TMEM178B: variants seen among roughly 807,000 people sequenced by gnomAD.
The protein encoded by TMEM178B is transmembrane protein 178B.
A neutral mutation model predicts 31.0 loss-of-function variants in TMEM178B; 5 were observed. That is an observed-to-expected ratio of 0.16 (90% CI 0.08 to 0.34). TMEM178B has a LOEUF of 0.34. TMEM178B is among the 10% of genes least tolerant of loss of function. TMEM178B has a pLI of 1.00. For missense variants in TMEM178B, 275 were observed against 400.3 expected (o/e 0.69, Z 2.67); for synonymous variants, 164 against 164.0 (o/e 1.00, Z 0.00).
chr7:141,364,735 G>A lies in TMEM178B; in HGVS notation c.497-72873G>A, dbSNP rs115541114. On this transcript the variant is annotated intron_variant, in intron 2 of 3. Transcript: ENST00000565468. ...AATGACCACACTACAGGCCAGGTAGGTAACCCAAAGAATGGAGTGGGCTGG... is the reference window on the plus strand; with the variant it reads ...AATGACCACACTACAGGCCAGGTAGATAACCCAAAGAATGGAGTGGGCTGG... 1.8e-3 allele frequency among the ~76,000 whole-genome samples: 280 copies of A among 151,594 alleles called. 2 individuals carry two copies. Among genetic ancestry groups the A allele is most frequent in the African/African-American group, 6.5e-3 (270 of 41,324 alleles).
intron 2 of TMEM178B, among the ~76,000 whole-genome samples, chr7:141,277,065 A>G (rs216999): frequency 0.74 from 112,985 of 152,136 alleles, 43,592 homozygotes; most frequent in East Asian, 0.99. Context: ...GGACATTACT[A>G]TACACTGTTG....
intron 2 of TMEM178B, among the ~76,000 whole-genome samples, chr7:141,249,508 C>T (rs1037495171): frequency 3.9e-5 from 6 of 152,058 alleles, no homozygotes; most frequent in Admixed American, 1.3e-4. Flanking sequence ...AATGTGGAAG[C>T]GACATTGGAA....
chr7:141,313,974 A>G (rs1326992701), intron 2 of TMEM178B, among the ~76,000 whole-genome samples: 1 of 152,160 alleles, frequency 6.6e-6, no homozygotes, highest in Non-Finnish European at 1.5e-5. Flanking sequence ...AGCTTCCACT[A>G]AACGATTCCA....
chr7:141,270,546 A>AGTT (rs1468420691), intron 2 of TMEM178B, among the ~76,000 whole-genome samples: 2 of 152,210 alleles, frequency 1.3e-5, no homozygotes, highest in African/African-American at 4.8e-5. Context: ...GTTCACCAAG[A>AGTT]GTTGTTTCAC....
rs373415086 is a variant in TMEM178B, at chr7:141,365,522, G to T, written c.497-72086G>T. Reference sequence around the variant, plus strand: ...TCTATAAAATGGGGATTGTAGGGATGTTCTCAGGACTAGAGGAAATGTATG... The same window carrying T: ...TCTATAAAATGGGGATTGTAGGGATTTTCTCAGGACTAGAGGAAATGTATG... On this transcript the variant is annotated intron_variant, in intron 2 of 3. Transcript: ENST00000565468. 1.7e-4 allele frequency among the ~76,000 whole-genome samples: 26 copies of T among 152,336 alleles called. 1 individual carries two copies. The South Asian group carries it at 2.5e-3, about 15-fold the overall frequency.
intron 1 of TMEM178B, among the ~76,000 whole-genome samples, chr7:141,157,090 C>T (rs1436690079): frequency 2.0e-5 from 3 of 152,282 alleles, no homozygotes; most frequent in South Asian, 2.1e-4. Context: ...AGTGGAAACA[C>T]GCAGTACTTC....
intron 2 of TMEM178B, among the ~76,000 whole-genome samples, chr7:141,273,094 G>A (rs146560012): frequency 6.6e-6 from 1 of 152,296 alleles, no homozygotes; most frequent in Non-Finnish European, 1.5e-5. Context: ...TAAACGTGGA[G>A]AACATATGCT....
intron 1 of TMEM178B, among the ~76,000 whole-genome samples, chr7:141,159,258 T>G (rs1796126995): frequency 6.6e-6 from 1 of 152,166 alleles, no homozygotes; most frequent in Non-Finnish European, 1.5e-5. Context: ...ATCTATCCTA[T>G]GTGTTACCAA....
At chr7:141,084,479 T>C (rs1794744883) in intron 1 of TMEM178B, among the ~76,000 whole-genome samples, 1 of 152,198 alleles carries the variant, frequency 6.6e-6, no homozygotes, top group African/African-American at 2.4e-5. Flanking sequence ...ATAGGTAAAC[T>C]CACAAGTACA....
intron 2 of TMEM178B, among the ~76,000 whole-genome samples, chr7:141,245,636 G>A (rs554714407): frequency 1.3e-5 from 2 of 152,286 alleles, no homozygotes; most frequent in East Asian, 1.9e-4. Flanking sequence ...GTGCTCATAC[G>A]CTTTCACTTG....
At chr7:141,129,833 A>T (rs1294591588) in intron 1 of TMEM178B, among the ~76,000 whole-genome samples, 2 of 152,162 alleles carry the variant, frequency 1.3e-5, no homozygotes, top group Non-Finnish European at 2.9e-5. Flanking sequence ...GAAAGGCAGG[A>T]TAATTCAAAG....
intron 2 of TMEM178B, among the ~76,000 whole-genome samples, chr7:141,397,993 C>G (rs1800688088): frequency 6.6e-6 from 1 of 152,114 alleles, no homozygotes. Context: ...CTCAGCTATA[C>G]CAGGCTCTGA....
intron 2 of TMEM178B, among the ~76,000 whole-genome samples, chr7:141,419,565 C>T (rs115378465): frequency 6.6e-6 from 1 of 152,288 alleles, no homozygotes; most frequent in African/African-American, 2.4e-5. Context: ...CAGCCATGGT[C>T]ACCTTTCTAG....
At chr7:141,495,084 C>A in the TMEM178B span, among the ~76,000 whole-genome samples, 1 of 152,096 alleles carries the variant, frequency 6.6e-6, no homozygotes, top group African/African-American at 2.4e-5. Context: ...TTCCAAATAA[C>A]AGACTATAAG....
chr7:141,296,792 C>T (rs555692310), intron 2 of TMEM178B, among the ~76,000 whole-genome samples: 1 of 152,312 alleles, frequency 6.6e-6, no homozygotes, highest in South Asian at 2.1e-4. Context: ...TTTCTCTGCA[C>T]CGTCTCCCAT....
At chr7:141,454,409 G>C (rs946416079) in intron 3 of TMEM178B, among the ~76,000 whole-genome samples, 1 of 152,116 alleles carries the variant, frequency 6.6e-6, no homozygotes, top group Non-Finnish European at 1.5e-5. Flanking sequence ...AGCCAAGCAC[G>C]TGGGGCCCAG....
intron 1 of TMEM178B, among the ~76,000 whole-genome samples, chr7:141,155,210 G>T (rs934118704): frequency 1.3e-5 from 2 of 152,200 alleles, no homozygotes; most frequent in Non-Finnish European, 2.9e-5. Context: ...TTAGGCAGAA[G>T]ATTTAGACAG....
At chr7:141,449,713 G>T (rs1174013269) in intron 3 of TMEM178B, among the ~76,000 whole-genome samples, 1 of 152,218 alleles carries the variant, frequency 6.6e-6, no homozygotes, top group Non-Finnish European at 1.5e-5. Flanking sequence ...GAGCTGGGGA[G>T]CAAGGACTCG....
Position 141,428,773 on chromosome 7 carries a change from C to G in TMEM178B, c.497-8835C>G, listed in dbSNP as rs146197098. Among the ~76,000 whole-genome samples the G allele has an allele frequency of 1.5e-4, 23 of 152,322 alleles. No individual in the cohort carries two copies. The East Asian group carries it at 4.2e-3, about 28-fold the overall frequency. ...CTCAAGTTGCCCGCTAGGCCCTCTT[C>G]CAAGTGTACTTTGCTTCCTTTCACC... On this transcript the variant is annotated intron_variant, in intron 2 of 3. Coordinates refer to ENST00000565468, the MANE Select transcript of TMEM178B (RefSeq NM_001195278.2).
Sources: gnomAD v4.1 joint callset for allele counts (sites outside exome capture counted in the v4.1 genomes callset) on GRCh38, gnomAD v4.1.1 for gene constraint, MANE v1.5 for transcripts, NCBI Gene and HGNC (gene_info 2026-07-23, HGNC 2026-07-21) for gene names.